The following SDC3 variants were observed in gnomAD, a reference collection of about 807,000 sequenced individuals.
SDC3 encodes syndecan 3.
In SDC3, 13 loss-of-function variants were observed where a neutral mutation model predicts 24.4. The observed-to-expected ratio is 0.53, with a 90% confidence interval of 0.35 to 0.85. The LOEUF (loss-of-function observed/expected upper bound fraction) is 0.85, where lower values mean the gene tolerates loss of function less well. SDC3 is among the 40% of genes least tolerant of loss of function. The pLI, the probability that SDC3 is intolerant of heterozygous loss-of-function variation, is 0.01. For synonymous variants in SDC3, 295 were observed against 260.9 expected (o/e 1.13, Z -1.26); for missense variants, 571 against 584.5 (o/e 0.98, Z 0.24).
intron 1 of SDC3, among the ~76,000 whole-genome samples, chr1:30,886,144 A>G (rs1016593413): frequency 1.3e-5 from 2 of 150,268 alleles, no homozygotes; most frequent in African/African-American, 2.5e-5. Flanking sequence ...ACACAAAACT[A>G]TTTACAGTTC....
Position 30,880,272 on chromosome 1 carries a change from C to T in SDC3, c.139-1532G>A, listed in dbSNP as rs569797044. Among the ~76,000 whole-genome samples the T allele has an allele frequency of 1.1e-4, 16 of 145,548 alleles. 1 individual carries two copies. The highest frequency in any genetic ancestry group is 9.1e-4 in the Admixed American group (13 of 14,330). ...GGTGGTACAGGAGAGGGAGAGATCA[C>T]GGGGGAACTGAGAGGATGACAGGGA... On this transcript the variant is annotated intron_variant, in intron 1 of 4. Coordinates refer to ENST00000339394, the MANE Select transcript of SDC3 (RefSeq NM_014654.4).
At chr1:30,893,287 ACCCCACCCACCAGGAG>A (rs1639932964) in intron 1 of SDC3, among the ~76,000 whole-genome samples, 1 of 19,088 alleles carries the variant, frequency 5.2e-5, no homozygotes, top group African/African-American at 1.9e-4. Context: ...GTCCATACCC[ACCCCACCCACCAGGAG>A]CCCCCCCCCC....
Position 30,869,930 on chromosome 1 carries a change from A to T in SDC3, c.*3281T>A, listed in dbSNP as rs1463924324. The T allele has an allele frequency of 5.0e-6, 2 of 398,362 alleles. No homozygotes were observed. The highest frequency in any genetic ancestry group is 4.1e-5 in the African/African-American group (2 of 48,578). 24.7% of individuals were successfully genotyped at this position (398,362 alleles called of 1,614,324 possible). ...GTGGTGCCAGGCAGGCACCTGGGGGATGCTGGGGCCATCGGCTCTCAGATG... is the reference window on the plus strand; with the variant it reads ...GTGGTGCCAGGCAGGCACCTGGGGGTTGCTGGGGCCATCGGCTCTCAGATG... On this transcript the variant is annotated 3_prime_UTR_variant, in exon 5 of 5. Coordinates refer to ENST00000339394, the MANE Select transcript of SDC3 (RefSeq NM_014654.4).
At position 30,908,508 on chromosome 1, in the gene SDC3, C is replaced by T. The variant is rs966507953; in HGVS notation, c.79G>A (p.Ala27Thr). ...AGCGGTGGCAGGAGCAGCCCGCGGG[C>T]CCCGGGCCCGGCCGCGGCCCCGGCC... ...AGAGAAAGPG[A>T]RGLLLPPLLL... is the part of the protein sequence containing the mutation. The change falls in exon 1 of 5, where the codon GCC becomes ACC. Residue 27 changes from alanine (A) to threonine (T), a missense_variant. Ala to Thr is a moderately conservative substitution (Grantham distance 58, BLOSUM62 0). Coordinates refer to ENST00000339394, the MANE Select transcript of SDC3 (RefSeq NM_014654.4). 3 of 978,324 alleles carry T rather than the reference C, an allele frequency of 3.1e-6. No homozygotes were observed. Among genetic ancestry groups the T allele is most frequent in the African/African-American group, 3.6e-5 (2 of 55,752 alleles). 60.6% of individuals were successfully genotyped at this position (978,324 alleles called of 1,614,324 possible). A position where few individuals can be genotyped will look rare whatever the true frequency, so the allele number is the denominator to read the frequency against.
intron 1 of SDC3, among the ~76,000 whole-genome samples, chr1:30,898,594 T>A (rs933354694): frequency 6.6e-6 from 1 of 152,116 alleles, no homozygotes; most frequent in African/African-American, 2.4e-5. Flanking sequence ...CCCAGCGTGA[T>A]GGGCAAGGAA....
Position 30,877,169 on chromosome 1 carries a change from A to AG in SDC3, c.257-5dup. 6.2e-7 allele frequency: 1 copy of AG among 1,610,528 alleles called. No individual in the cohort carries two copies. The highest frequency in any genetic ancestry group is 8.5e-7 in the Non-Finnish European group (1 of 1,178,772). On this transcript the variant is annotated splice_region_variant and splice_polypyrimidine_tract_variant and intron_variant, in intron 2 of 4. Coordinates refer to ENST00000339394, the MANE Select transcript of SDC3 (RefSeq NM_014654.4). ...ATGCCCGACTCCTGCTCGAAGTCTG[A>AG]GGGGGTGGGGGAGAGGGAGAGAGCT...
At chr1:30,902,974 C>T (rs1038305994) in intron 1 of SDC3, among the ~76,000 whole-genome samples, 2 of 152,210 alleles carry the variant, frequency 1.3e-5, no homozygotes, top group Non-Finnish European at 1.5e-5. Context: ...ATCATTCACT[C>T]GAGCCTGCAC....
At chr1:30,889,430 T>C (rs983402715) in intron 1 of SDC3, among the ~76,000 whole-genome samples, 2 of 152,096 alleles carry the variant, frequency 1.3e-5, no homozygotes, top group Admixed American at 6.6e-5. Context: ...CCTCTTTTCC[T>C]CCATTCCCGG....
chr1:30,873,396 C>T lies in SDC3; in HGVS notation c.1163-19G>A. 3 of 1,608,822 alleles carry T rather than the reference C, an allele frequency of 1.9e-6. No individual in the cohort carries two copies. Among genetic ancestry groups the T allele is most frequent in the East Asian group, 4.5e-5 (2 of 44,856 alleles). On this transcript the variant is annotated intron_variant, in intron 4 of 4. Coordinates refer to ENST00000339394, the MANE Select transcript of SDC3 (RefSeq NM_014654.4). The stretch of plus-strand genomic sequence containing the variant: ...ATCACAGCTGTGGAAGAAGAGGGCA[C>T]AGGTCAAGGCCCAGAGGCAGGGTAG...
chr1:30,895,458 T>G (rs1639987038), intron 1 of SDC3, among the ~76,000 whole-genome samples: 3 of 151,894 alleles, frequency 2.0e-5, no homozygotes, highest in African/African-American at 7.3e-5. Context: ...CCAGAGGCCA[T>G]GTAGGGGCTT....
chr1:30,887,863 T>C (rs1225931794), intron 1 of SDC3, among the ~76,000 whole-genome samples: 1 of 152,176 alleles, frequency 6.6e-6, no homozygotes, highest in African/African-American at 2.4e-5. Flanking sequence ...GCCCTGCTCT[T>C]CTCTGGCCTC....
intron 1 of SDC3, among the ~76,000 whole-genome samples, chr1:30,904,440 A>T (rs530509912): frequency 4.6e-5 from 7 of 151,910 alleles, no homozygotes; most frequent in Admixed American, 4.6e-4. Context: ...GCCCGCTTGT[A>T]TGAGGTGGGA....
Position 30,872,792 on chromosome 1 carries a change from G to T in SDC3, c.*419C>A. 5.0e-6 allele frequency: 1 copy of T among 200,646 alleles called. No individual in the cohort carries two copies. Among genetic ancestry groups the T allele is most frequent in the African/African-American group, 2.3e-5 (1 of 43,338 alleles). The allele number at this position is 200,646 out of a possible 1,614,324, so 12.4% of individuals were successfully genotyped here. A position where few individuals can be genotyped will look rare whatever the true frequency, so the allele number is the denominator to read the frequency against. On this transcript the variant is annotated 3_prime_UTR_variant, in exon 5 of 5. Transcript: ENST00000339394. ...CAAGGGCTGTGTTTACCAAATGTTT[G>T]TCCTGGAAACCAGCCTGAGTGCCTC...
rs1218979259 is a variant in SDC3 at position 30,908,544 on chromosome 1, C to T, written c.43G>A (p.Ala15Thr). 2 of 967,592 alleles carry T rather than the reference C, an allele frequency of 2.1e-6. No homozygotes were observed. The highest frequency in any genetic ancestry group is 1.2e-6 in the Non-Finnish European group (1 of 818,336). The allele number at this position is 967,592 out of a possible 1,614,324, so 59.9% of individuals were successfully genotyped here. ...GCCGCGGCCCCGGCCCCGGCGCCGG[C>T]CCCGTGGGCGGCCCCGGCACGGTGC... ...PPHRAGAAHG[A>T]GAGAGAAAGP... Residue 15 changes from alanine to threonine, a missense_variant, in exon 1 of 5, where the codon GCC becomes ACC. By Grantham distance (58) the Ala-to-Thr change is moderately conservative (BLOSUM62 0). Coordinates refer to ENST00000339394, the MANE Select transcript of SDC3 (RefSeq NM_014654.4).
chr1:30,878,830 G>T, intron 1 of SDC3, 90 bp from the exon 2 acceptor site: 1 of 964,108 alleles, frequency 1.0e-6, no homozygotes, highest in Non-Finnish European at 1.7e-6. Context: ...CTTGTGGGCT[G>T]AGTGACATCC....
chr1:30,904,475 A>G (rs1052593180), intron 1 of SDC3, among the ~76,000 whole-genome samples: 2 of 151,468 alleles, frequency 1.3e-5, no homozygotes, highest in African/African-American at 4.9e-5. Flanking sequence ...TCAAAAGGCC[A>G]TTTTTTTTGT....
intron 1 of SDC3, among the ~76,000 whole-genome samples, chr1:30,901,629 G>A (rs182999020): frequency 1.4e-3 from 218 of 152,106 alleles, no homozygotes; most frequent in Non-Finnish European, 2.1e-3. Flanking sequence ...CTGGGAGTCC[G>A]GCCCTTGGTC....
intron 3 of SDC3, 70 bp from the exon 4 acceptor site, chr1:30,874,658 G>A (rs995114414): frequency 4.2e-6 from 6 of 1,436,598 alleles, no homozygotes; most frequent in Non-Finnish European, 2.9e-6. Flanking sequence ...CCATCCTACT[G>A]CCCTGGGGGG....
At chr1:30,892,354 T>C (rs1279906022) in intron 1 of SDC3, among the ~76,000 whole-genome samples, 1 of 152,070 alleles carries the variant, frequency 6.6e-6, no homozygotes, top group Non-Finnish European at 1.5e-5. Context: ...AGGGACCTAG[T>C]CACACCAGCT....
Sources: allele counts gnomAD v4.1 joint callset (sites outside exome capture counted in the v4.1 genomes callset), GRCh38; gene constraint gnomAD v4.1.1; transcripts MANE v1.5; gene names NCBI Gene and HGNC (gene_info 2026-07-23, HGNC 2026-07-21).